TNRC18: variants seen among roughly 807,000 people sequenced by gnomAD.
TNRC18 encodes trinucleotide repeat-containing gene 18 protein.
In TNRC18, 69 loss-of-function variants were observed where a neutral mutation model predicts 226.7. The ratio of observed to expected loss-of-function variants is 0.30; its 90% CI spans 0.25 to 0.37. TNRC18 has a LOEUF of 0.37. Ranked by LOEUF, TNRC18 falls within the 10% of genes least tolerant of loss-of-function variation. The pLI, the probability that TNRC18 is intolerant of heterozygous loss-of-function variation, is 1.00. For synonymous variants in TNRC18, 2,449 were observed against 1,927.6 expected, an observed-to-expected ratio of 1.27 and a Z score of -7.09; for missense variants, 4,754 against 4,256.6, an observed-to-expected ratio of 1.12 and a Z score of -3.25.
At chr7:5,336,202 G>GT (rs199981946) in intron 18 of TNRC18, among the ~76,000 whole-genome samples, 3 of 141,664 alleles carry the variant, frequency 2.1e-5, no homozygotes, top group East Asian at 4.3e-4. Flanking sequence ...GCGAGACTCT[G>GT]TTTTAAAAAA....
chr7:5,403,151 A>G (rs1332015875), intron 2 of TNRC18, among the ~76,000 whole-genome samples: 1 of 144,550 alleles, frequency 6.9e-6, no homozygotes, highest in Non-Finnish European at 1.5e-5. Context: ...CAAACACATT[A>G]CATTTTATCT....
chr7:5,321,524 C>A (rs1226844155), intron 21 of TNRC18, among the ~76,000 whole-genome samples: 1 of 152,132 alleles, frequency 6.6e-6, no homozygotes, highest in Non-Finnish European at 1.5e-5. Flanking sequence ...AGACCAGCAG[C>A]CTCTGGGCCT....
intron 2 of TNRC18, among the ~76,000 whole-genome samples, chr7:5,409,244 C>G (rs1781683610): frequency 6.6e-6 from 1 of 151,568 alleles, no homozygotes. Flanking sequence ...AAAAAAGACT[C>G]AGAGAAAACA....
rs562294879 is a variant in TNRC18 at position 5,388,878 on chromosome 7, G to C, written c.946C>G (p.Arg316Gly). The C allele has an allele frequency of 2.3e-6, 3 of 1,325,924 alleles. No homozygotes were observed. In the East Asian group the frequency reaches 1.3e-4, roughly 55 times the overall value. The allele number at this position is 1,325,924 out of a possible 1,614,324, so 82.1% of individuals were successfully genotyped here. ...KEAARQDEGA[R>G]LLRRTETLLP... is the part of the protein sequence containing the mutation. Reference sequence around the variant, plus strand: ...AGGGTCTCCGTGCGCCGCAGCAGCCGCGCGCCCTCGTCCTGCCGGGCAGCC... The same window carrying C: ...AGGGTCTCCGTGCGCCGCAGCAGCCCCGCGCCCTCGTCCTGCCGGGCAGCC... The change falls in exon 5 of 30, where the codon CGG becomes GGG. Residue 316 changes from arginine to glycine, a missense_variant. Transcript: ENST00000430969.
At position 5,313,037 on chromosome 7, in the gene TNRC18, G is replaced by C. The variant is rs1352819582; in HGVS notation, c.7854C>G (p.Ser2618=). The C allele has an allele frequency of 2.8e-6, 2 of 724,366 alleles. No homozygotes were observed. Among genetic ancestry groups the C allele is most frequent in the African/African-American group, 3.6e-5 (2 of 56,330 alleles). The allele number at this position is 724,366 out of a possible 1,614,324, so 44.9% of individuals were successfully genotyped here. The change falls in exon 27 of 30, where the codon TCC becomes TCG. Residue 2618 remains serine (S), a synonymous_variant. Transcript: ENST00000430969. ...AGGAGGAGGAGGAGGAGGAGGATGA[G>C]GAGGAGGAGGAGGAGGCCGGTGAGG... ...RAASPASSSS[S]SSSSSSSSSS...
Position 5,394,202 on chromosome 7 carries a change from TG to T in TNRC18, c.343+237del, listed in dbSNP as rs556763382. Among the ~76,000 whole-genome samples the T allele has an allele frequency of 1.3e-5, 2 of 152,060 alleles. No individual in the cohort carries two copies. Among genetic ancestry groups the T allele is most frequent in the Non-Finnish European group, 2.9e-5 (2 of 68,010 alleles). On this transcript the variant is annotated intron_variant, in intron 3 of 29. Coordinates refer to ENST00000430969, the MANE Select transcript of TNRC18 (RefSeq NM_001080495.3). The surrounding 1 kb of genome is among the most constrained non-coding windows in gnomAD (Gnocchi z 4.5). ...TCTCTGAGCTGAGCCGGAGGAGGAC[TG>T]GAAGGTGGTCTGTGGCATGGGGTGT...
intron 5 of TNRC18, among the ~76,000 whole-genome samples, chr7:5,380,551 A>ACAGCCGGG (rs1484131773): frequency 6.6e-6 from 1 of 152,208 alleles, no homozygotes; most frequent in Non-Finnish European, 1.5e-5. Context: ...GTACGGAGGG[A>ACAGCCGGG]CAGCCGGGCA....
At chr7:5,406,625 C>A (rs1410987440) in intron 2 of TNRC18, among the ~76,000 whole-genome samples, 1 of 152,000 alleles carries the variant, frequency 6.6e-6, no homozygotes, top group South Asian at 2.1e-4. Flanking sequence ...CAGAAGCGGG[C>A]GGATCACCTG....
chr7:5,314,710 T>C (rs1377314611), intron 26 of TNRC18, among the ~76,000 whole-genome samples: 1 of 151,920 alleles, frequency 6.6e-6, no homozygotes, highest in Non-Finnish European at 1.5e-5. Flanking sequence ...GTAGTTGGGA[T>C]TACAGGCACT....
chr7:5,308,771 C>T (rs938247410), intron 29 of TNRC18, 104 bp downstream of exon 29: 17 of 1,293,120 alleles, frequency 1.3e-5, no homozygotes, highest in Middle Eastern at 5.2e-4. Context: ...CTGAGGGAGA[C>T]CATGGGGGAC....
rs1328421848 is a variant in TNRC18 at position 5,332,917 on chromosome 7, C to T, written c.5852G>A (p.Arg1951His). 1.3e-6 allele frequency: 2 copies of T among 1,539,638 alleles called. No individual in the cohort carries two copies. Among genetic ancestry groups the T allele is most frequent in the South Asian group, 2.4e-5 (2 of 84,550 alleles). The change falls in exon 19 of 30, where the codon CGC (arginine) becomes CAC (histidine). Residue 1951 changes from arginine to histidine, a missense_variant. By Grantham distance (29) the Arg-to-His change is conservative. Coordinates refer to ENST00000430969, the MANE Select transcript of TNRC18 (RefSeq NM_001080495.3). ...PSLAAPTPGA[R>H]GPDPSSPDKA... ...GTCTGGGCTGCTGGGGTCGGGACCG[C>T]GGGCGCCAGGCGTGGGTGCGGCCAG... is the stretch of plus-strand genomic sequence containing the variant.
intron 18 of TNRC18, among the ~76,000 whole-genome samples, chr7:5,340,385 G>A (rs545400119): frequency 1.8e-3 from 275 of 152,360 alleles, no homozygotes; most frequent in Non-Finnish European, 2.4e-3. Context: ...TGAGAGAAGT[G>A]AGGAAGCTGC....
intron 19 of TNRC18, 159 bp from the exon 20 acceptor site, chr7:5,325,407 T>A (rs1196596700): frequency 1.2e-5 from 10 of 811,220 alleles, no homozygotes; most frequent in Non-Finnish European, 1.8e-5. Flanking sequence ...TGCAAGCGTT[T>A]TTGGTTTTGG....
At chr7:5,410,808 C>G (rs1486975326) in intron 2 of TNRC18, among the ~76,000 whole-genome samples, 1 of 132,846 alleles carries the variant, frequency 7.5e-6, no homozygotes, top group East Asian at 2.3e-4. Flanking sequence ...TTGCAGTGAA[C>G]TGAGATCTCG....
In TNRC18 at chr7:5,368,424, T is replaced by C. The variant is rs138840494; in HGVS notation, c.4219+1951A>G. Among the ~76,000 whole-genome samples the C allele has an allele frequency of 1.0e-4, 15 of 150,522 alleles. No individual in the cohort carries two copies. In the East Asian group the frequency reaches 2.2e-3, roughly 22 times the overall value. ...ACGCCTGTAATCCCAGCACTTTGGG[T>C]GGCCAAGGCGGGTGGATCACTTGAG... On this transcript the variant is annotated intron_variant, in intron 11 of 29. Coordinates refer to ENST00000430969, the MANE Select transcript of TNRC18 (RefSeq NM_001080495.3).
At chr7:5,308,586 A>C (rs1223357371) in intron 29 of TNRC18, among the ~76,000 whole-genome samples, 1 of 152,178 alleles carries the variant, frequency 6.6e-6, no homozygotes, top group Non-Finnish European at 1.5e-5. Flanking sequence ...AGAGAGACAC[A>C]GAGACTGAAA....
In TNRC18 at chr7:5,387,681, T is replaced by G. The variant is rs1353929613; in HGVS notation, c.2143A>C (p.Asn715His). ...VDQERSLSLS[N>H]VKGHGRADED... is the part of the protein sequence containing the mutation. ...TCTGCCCAGGACCTACCTTTGACGT[T>G]ACTCAGCGACAGAGAGCGCTCCTGG... Residue 715 changes from asparagine (N) to histidine (H), a missense_variant, in exon 5 of 30, where the codon AAC becomes CAC. Asn to His is a moderately conservative substitution (Grantham distance 68). Coordinates refer to ENST00000430969, the MANE Select transcript of TNRC18 (RefSeq NM_001080495.3). 6.2e-7 allele frequency: 1 copy of G among 1,604,226 alleles called. No homozygotes were observed. The highest frequency in any genetic ancestry group is 8.5e-7 in the Non-Finnish European group (1 of 1,179,834).
chr7:5,376,529 G>A (rs964474413), intron 8 of TNRC18, among the ~76,000 whole-genome samples: 15 of 152,212 alleles, frequency 9.9e-5, no homozygotes, highest in East Asian at 3.8e-4. Flanking sequence ...CCTAGGGAAC[G>A]CCTTCTCCCA....
intron 21 of TNRC18, among the ~76,000 whole-genome samples, chr7:5,323,173 T>G (rs1788548953): frequency 6.6e-6 from 1 of 152,118 alleles, no homozygotes; most frequent in Non-Finnish European, 1.5e-5. Flanking sequence ...CAATGCAGCC[T>G]TGGGGCGGCC....
Sources: allele counts gnomAD v4.1 joint callset (sites outside exome capture counted in the v4.1 genomes callset), GRCh38; gene constraint gnomAD v4.1.1; non-coding constraint Gnocchi (gnomAD v3.1); transcripts MANE v1.5; gene names NCBI Gene and HGNC (gene_info 2026-07-23, HGNC 2026-07-21).